SLIT2: variants seen among roughly 807,000 people sequenced by gnomAD.
The protein encoded by SLIT2 is slit guidance ligand 2, also known as slit homolog 2 protein.
SLIT2 carries 41 observed loss-of-function variants against 185.7 expected under a neutral mutation model. The ratio of observed to expected loss-of-function variants is 0.22; its 90% CI spans 0.17 to 0.29. The LOEUF is 0.29. SLIT2 is among the 10% of genes least tolerant of loss of function. The pLI is 1.00. For missense variants in SLIT2, 1,571 were observed against 1,909.0 expected (o/e 0.82, Z 3.30); for synonymous variants, 693 against 680.2 (o/e 1.02, Z -0.29).
intron 4 of SLIT2, among the ~76,000 whole-genome samples, chr4:20,312,525 G>A (rs997701605): frequency 6.6e-6 from 1 of 152,020 alleles, no homozygotes; most frequent in African/African-American, 2.4e-5. Flanking sequence ...TGTAATCCCA[G>A]CACTTTGGGA....
At chr4:20,325,298 A>G (rs570231372) in intron 4 of SLIT2, among the ~76,000 whole-genome samples, 1 of 151,084 alleles carries the variant, frequency 6.6e-6, no homozygotes, top group South Asian at 2.1e-4. Context: ...GGAGAAAAAT[A>G]TCTCTGGGAC....
chr4:20,573,031 C>T (rs2148922267), intron 29 of SLIT2, among the ~76,000 whole-genome samples: 1 of 152,292 alleles, frequency 6.6e-6, no homozygotes, highest in Non-Finnish European at 1.5e-5. Context: ...CCTCTAGCTC[C>T]CTGTGATGGC....
chr4:20,553,734 CTTGTGT>C, intron 25 of SLIT2, 65 bp from the exon 26 acceptor site: 2 of 1,138,656 alleles, frequency 1.8e-6, no homozygotes, highest in Non-Finnish European at 2.3e-6. Flanking sequence ...TACTTCCATA[CTTGTGT>C]GTGTGTGTGT....
At chr4:20,455,957 C>G (rs1206784974) in intron 4 of SLIT2, among the ~76,000 whole-genome samples, 2 of 152,104 alleles carry the variant, frequency 1.3e-5, no homozygotes, top group East Asian at 3.9e-4. Context: ...GATCAAGAAT[C>G]ATATTTTAGT....
At chr4:20,563,718 G>A (rs1724874537) in intron 26 of SLIT2, among the ~76,000 whole-genome samples, 1 of 151,716 alleles carries the variant, frequency 6.6e-6, no homozygotes, top group South Asian at 2.1e-4. Flanking sequence ...TTGAAATTTG[G>A]ACAAACAAGA....
In SLIT2 at chr4:20,499,969, T is replaced by C. The variant is rs111319745; in HGVS notation, c.914+8070T>C. ...AATATCTATCATGCTATGCAAGTAG[T>C]TTATTTTAAATATGCTAAATGTTAA... On this transcript the variant is annotated intron_variant, in intron 9 of 36. Transcript: ENST00000504154. Among the ~76,000 whole-genome samples, 740 of 152,316 alleles carry C rather than the reference T, an allele frequency of 4.9e-3. 6 individuals carry two copies. Among genetic ancestry groups the C allele is most frequent in the African/African-American group, 0.017 (715 of 41,564 alleles).
chr4:20,440,702 T>C (rs902539783), intron 4 of SLIT2, among the ~76,000 whole-genome samples: 2 of 152,236 alleles, frequency 1.3e-5, no homozygotes, highest in African/African-American at 2.4e-5. Flanking sequence ...TTGTAGTAAT[T>C]TTAAAATTCT....
At chr4:20,437,783 C>A (rs533886311) in intron 4 of SLIT2, among the ~76,000 whole-genome samples, 1 of 151,590 alleles carries the variant, frequency 6.6e-6, no homozygotes, top group Non-Finnish European at 1.5e-5. Flanking sequence ...GGCATGGTGG[C>A]GGGCACCTGT....
At position 20,619,751 on chromosome 4, in the gene SLIT2, C is replaced by T. The variant is rs184437890; in HGVS notation, c.*742C>T. 3.8e-4 allele frequency: 58 copies of T among 152,024 alleles called. No homozygotes were observed. Among genetic ancestry groups the T allele is most frequent in the African/African-American group, 1.3e-3 (54 of 41,446 alleles). The allele number at this position is 152,024 out of a possible 1,614,324, so 9.4% of individuals were successfully genotyped here. On this transcript the variant is annotated 3_prime_UTR_variant, in exon 37 of 37. Transcript: ENST00000504154. ...TTGTTTCTATGAGTTCTAAACAGCCCTATACAGTATTCAGTTTCCATGAGA... is the reference window on the plus strand; with the variant it reads ...TTGTTTCTATGAGTTCTAAACAGCCTTATACAGTATTCAGTTTCCATGAGA...
At chr4:20,569,707 AT>A (rs1463856410) in intron 29 of SLIT2, among the ~76,000 whole-genome samples, 1 of 152,016 alleles carries the variant, frequency 6.6e-6, no homozygotes, top group Non-Finnish European at 1.5e-5. Flanking sequence ...TTTTCCTTTA[AT>A]AAATTACTTA....
Position 20,574,525 on chromosome 4 carries a change from G to A in SLIT2, c.3088+5521G>A, listed in dbSNP as rs545058029. 2.5e-4 allele frequency among the ~76,000 whole-genome samples: 38 copies of A among 152,142 alleles called. No homozygotes were observed. In the South Asian group the frequency reaches 3.7e-3, roughly 15 times the overall value. ...TTATAGACTGGGCACAGTGGCTTAC[G>A]CCTGCAATCCCAGCATTTTGGGAGG... is the stretch of plus-strand genomic sequence containing the variant. On this transcript the variant is annotated intron_variant, in intron 29 of 36. Coordinates refer to ENST00000504154, the MANE Select transcript of SLIT2 (RefSeq NM_004787.4).
At chr4:20,386,947 C>G (rs763662279) in intron 4 of SLIT2, among the ~76,000 whole-genome samples, 1 of 152,116 alleles carries the variant, frequency 6.6e-6, no homozygotes, top group African/African-American at 2.4e-5. Context: ...TGCACATTTC[C>G]TTTGGGGGAT....
At chr4:20,424,236 C>T (rs1009041874) in intron 4 of SLIT2, among the ~76,000 whole-genome samples, 1 of 152,038 alleles carries the variant, frequency 6.6e-6, no homozygotes, top group Non-Finnish European at 1.5e-5. Flanking sequence ...AATTTCAAAG[C>T]ACCTTAACTT....
At chr4:20,388,886 A>AAAATATATATAATATAT (rs1433956331) in intron 4 of SLIT2, among the ~76,000 whole-genome samples, 2 of 144,778 alleles carry the variant, frequency 1.4e-5, no homozygotes, top group African/African-American at 5.0e-5. Flanking sequence ...ATATATATAA[A>AAAATATATATAATATAT]ACATAATATA....
At chr4:20,471,975 C>A (rs942394205) in intron 5 of SLIT2, among the ~76,000 whole-genome samples, 1 of 151,632 alleles carries the variant, frequency 6.6e-6, no homozygotes, top group Non-Finnish European at 1.5e-5. Context: ...ATTTAAACTA[C>A]TTTTTCCCTT....
chr4:20,511,598 T>TTTTTTTATTTTTTTTTTA (rs1194687099), intron 11 of SLIT2, among the ~76,000 whole-genome samples: 1 of 141,674 alleles, frequency 7.1e-6, no homozygotes, highest in African/African-American at 2.6e-5. Context: ...TTTTTTTTTT[T>TTTTTTTATTTTTTTTTTA]TTTTTATTTT....
At chr4:20,447,072 C>T (rs928517744) in intron 4 of SLIT2, among the ~76,000 whole-genome samples, 2 of 152,144 alleles carry the variant, frequency 1.3e-5, no homozygotes, top group Non-Finnish European at 2.9e-5. Context: ...ATGCTTGCCT[C>T]GAGGGTGTAC....
chr4:20,369,545 C>A (rs1175690766), intron 4 of SLIT2, among the ~76,000 whole-genome samples: 1 of 152,074 alleles, frequency 6.6e-6, no homozygotes, highest in Non-Finnish European at 1.5e-5. Flanking sequence ...TTACGGAAAA[C>A]GTTTGCCAGC....
rs1254670091 is a variant in SLIT2, at chr4:20,354,900, TGTGTGTGAGA to T, written c.395+86021_395+86030del. ...TGGCAAGTCTGCGTGTGTGTGTGTG[TGTGTGTGAGA>T]GAGAGAGAGAGAGAGAGAGAGAGAG... On this transcript the variant is annotated intron_variant, in intron 4 of 36. Transcript: ENST00000504154. Among the ~76,000 whole-genome samples the T allele has an allele frequency of 8.0e-3, 914 of 113,804 alleles. 6 individuals carry two copies. The highest frequency in any genetic ancestry group is 0.038 in the East Asian group (145 of 3,798). The allele number at this position is 113,804 out of a possible 152,430, so 74.7% of individuals were successfully genotyped here.
Sources: gnomAD v4.1 joint callset for allele counts (sites outside exome capture counted in the v4.1 genomes callset) on GRCh38, gnomAD v4.1.1 for gene constraint, MANE v1.5 for transcripts, NCBI Gene and HGNC (gene_info 2026-07-23, HGNC 2026-07-21) for gene names.